BRPF3: variants seen among roughly 807,000 people sequenced by gnomAD.
BRPF3 encodes the protein bromodomain and PHD finger-containing protein 3.
BRPF3 carries 18 observed loss-of-function variants against 102.0 expected under a neutral mutation model. The observed-to-expected ratio is 0.18, with a 90% confidence interval of 0.12 to 0.26. The LOEUF (loss-of-function observed/expected upper bound fraction) is 0.26, where lower values mean the gene tolerates loss of function less well. BRPF3 is among the 10% of genes least tolerant of loss of function. BRPF3 has a pLI of 1.00. For synonymous variants in BRPF3, 570 were observed against 614.2 expected (o/e 0.93, Z 1.06); for missense variants, 1,147 against 1,567.8 (o/e 0.73, Z 4.53).
At chr6:36,223,821 GA>G (rs768391509) in intron 10 of BRPF3, among the ~76,000 whole-genome samples, 6 of 151,928 alleles carry the variant, frequency 3.9e-5, no homozygotes, top group Non-Finnish European at 8.8e-5. Flanking sequence ...ATTTTTCTCA[GA>G]ATAAATTCCC....
chr6:36,229,608 T>C (rs1187343822), intron 12 of BRPF3, among the ~76,000 whole-genome samples: 1 of 152,188 alleles, frequency 6.6e-6, no homozygotes, highest in Non-Finnish European at 1.5e-5. Flanking sequence ...TTCTGGCCAG[T>C]GCAGTGTCCG....
In BRPF3 at chr6:36,212,042, C is replaced by A. The variant is rs570724061; in HGVS notation, c.2482+482C>A. ...GGAAAGACCCTGGGCTTTTGAGCCA[C>A]CTCATGGTTTTTACCCCATCTGGCT... On this transcript the variant is annotated intron_variant, in intron 7 of 12. Transcript: ENST00000357641. 2.6e-3 allele frequency among the ~76,000 whole-genome samples: 391 copies of A among 152,244 alleles called. 9 individuals carry two copies. Among genetic ancestry groups the A allele is most frequent in the Non-Finnish European group, 7.8e-4 (53 of 68,020 alleles).
chr6:36,224,718 G>A (rs1251175266), intron 10 of BRPF3, among the ~76,000 whole-genome samples: 1 of 152,202 alleles, frequency 6.6e-6, no homozygotes, highest in East Asian at 1.9e-4. Context: ...TTCTCCCTAA[G>A]GCCATGAGGA....
In BRPF3 at chr6:36,229,027, T is replaced by C. The variant is rs977770868; in HGVS notation, c.3405T>C (p.Leu1135=). 6.2e-7 allele frequency: 1 copy of C among 1,614,182 alleles called. No individual in the cohort carries two copies. Among genetic ancestry groups the C allele is most frequent in the Non-Finnish European group, 8.5e-7 (1 of 1,180,032 alleles). Residue 1135 remains leucine, a synonymous_variant, in exon 12 of 13, where the codon CTT becomes CTC. Coordinates refer to ENST00000357641, the MANE Select transcript of BRPF3 (RefSeq NM_015695.3). ...KQAEAGEKLF[L]VLFFDNKRTW... is the part of the protein sequence containing the mutation. Reference sequence around the variant, plus strand: ...CAGAGGCTGGAGAGAAGCTCTTCCTTGTCCTCTTCTTTGACAACAAGCGCA... The same window carrying C: ...CAGAGGCTGGAGAGAAGCTCTTCCTCGTCCTCTTCTTTGACAACAAGCGCA...
rs1415344202 is a variant in BRPF3 at position 36,213,895 on chromosome 6, C to T, written c.2498C>T (p.Pro833Leu). The change falls in exon 8 of 13, where the codon CCT (proline) becomes CTT (leucine). Residue 833 changes from proline (P) to leucine (L), a missense_variant. Physicochemically the swap from Pro to Leu is moderately conservative, Grantham distance 98. Transcript: ENST00000357641. Reference protein sequence around the residue: ...DDGDRDDSKLPPPPTLEPTGP... With the variant: ...DDGDRDDSKLLPPPTLEPTGP... ...TTTCTAATAGATGACTCCAAACTGC[C>T]TCCTCCGCCAACCCTGGAGCCCACT... 6.2e-7 allele frequency: 1 copy of T among 1,601,188 alleles called. No individual in the cohort carries two copies. The highest frequency in any genetic ancestry group is 1.1e-5 in the South Asian group (1 of 89,850).
At chr6:36,197,194 G>A (rs1226682440) in intron 1 of BRPF3, 2 of 151,380 alleles carry the variant, frequency 1.3e-5, no homozygotes, top group Non-Finnish European at 2.9e-5. Flanking sequence ...CCGCCATCTT[G>A]TCTCCCCCCC....
At chr6:36,211,747 AG>A (rs1768123692) in intron 7 of BRPF3, among the ~76,000 whole-genome samples, 187 bp downstream of exon 7, 1 of 152,234 alleles carries the variant, frequency 6.6e-6, no homozygotes, top group Non-Finnish European at 1.5e-5. Context: ...AACAATCACT[AG>A]AGACTAAAAT....
Position 36,231,239 on chromosome 6 carries a change from T to A in BRPF3, c.*630T>A, listed in dbSNP as rs1768931597. On this transcript the variant is annotated 3_prime_UTR_variant, in exon 13 of 13. Transcript: ENST00000357641. ...ATGTCTCATTCCCCTTGAGGCCAGC[T>A]GCTATGCCAGGTGGTGTCTCTGCCA... The A allele has an allele frequency of 6.5e-6, 1 of 152,792 alleles. No homozygotes were observed. The highest frequency in any genetic ancestry group is 1.5e-5 in the Non-Finnish European group (1 of 68,184). The allele number at this position is 152,792 out of a possible 1,614,324, so 9.5% of individuals were successfully genotyped here.
chr6:36,201,731 C>T lies in BRPF3; in HGVS notation c.1409C>T (p.Thr470Ile), dbSNP rs1303979346. Residue 470 changes from threonine (T) to isoleucine (I), a missense_variant, in exon 2 of 13, where the codon ACT (threonine) becomes ATT (isoleucine). Coordinates refer to ENST00000357641, the MANE Select transcript of BRPF3 (RefSeq NM_015695.3). This position sits in a 1 kb window ranked among gnomAD's most constrained non-coding sequence, Gnocchi z 5.1. ...GAAGCAGGCCAAGACACACCCTCCACTCTCCCCATGCTTGCTGTCCCACAG... is the reference window on the plus strand; with the variant it reads ...GAAGCAGGCCAAGACACACCCTCCATTCTCCCCATGCTTGCTGTCCCACAG... ...PEEAGQDTPS[T>I]LPMLAVPQIP... 3.7e-6 allele frequency: 6 copies of T among 1,612,434 alleles called. No homozygotes were observed. In the Admixed American group the frequency reaches 8.4e-5, roughly 22 times the overall value.
chr6:36,215,223 TCTC>T (rs1226319538), intron 8 of BRPF3, among the ~76,000 whole-genome samples: 1 of 152,106 alleles, frequency 6.6e-6, no homozygotes, highest in East Asian at 1.9e-4. Flanking sequence ...TTCAAGCAAT[TCTC>T]CTGCCTCAGC....
intron 9 of BRPF3, 82 bp from the exon 10 acceptor site, chr6:36,222,086 G>C (rs1325732069): frequency 1.2e-5 from 17 of 1,362,272 alleles, no homozygotes; most frequent in Non-Finnish European, 1.6e-5. Flanking sequence ...TCCTGTCAGA[G>C]AGGGGAGAGG....
In BRPF3 at chr6:36,214,201, A is replaced by G. The variant is rs1462595152; in HGVS notation, c.2804A>G (p.Lys935Arg). The G allele has an allele frequency of 3.1e-6, 5 of 1,614,206 alleles. No homozygotes were observed. Among genetic ancestry groups the G allele is most frequent in the Non-Finnish European group, 4.2e-6 (5 of 1,180,006 alleles). Residue 935 changes from lysine (K) to arginine (R), a missense_variant, in exon 8 of 13, where the codon AAG (lysine) becomes AGG (arginine). Coordinates refer to ENST00000357641, the MANE Select transcript of BRPF3 (RefSeq NM_015695.3). ...ACATCAGTCCTCTTCAAGAAGGCCA[A>G]GAATGGGGTTAAGCTACAGAGAAGC... The part of the protein sequence containing the change: ...RRTSVLFKKA[K>R]NGVKLQRSPD...
At chr6:36,223,228 G>A (rs1768612983) in intron 10 of BRPF3, among the ~76,000 whole-genome samples, 1 of 152,130 alleles carries the variant, frequency 6.6e-6, no homozygotes, top group Non-Finnish European at 1.5e-5. Context: ...CTCTTCCTTC[G>A]TTCCTTTACC....
chr6:36,220,585 T>C (rs899668199), intron 9 of BRPF3, among the ~76,000 whole-genome samples: 4 of 152,228 alleles, frequency 2.6e-5, no homozygotes, highest in African/African-American at 9.6e-5. Context: ...TGAACTTTGA[T>C]TTGTTTTTCT....
At chr6:36,229,208 A>T in intron 12 of BRPF3, 152 bp downstream of exon 12, 1 of 980,652 alleles carries the variant, frequency 1.0e-6, no homozygotes, top group Admixed American at 2.6e-5. Context: ...GCATGTTAAT[A>T]GTAACTGAGG....
At chr6:36,212,294 G>T (rs919347352) in intron 7 of BRPF3, among the ~76,000 whole-genome samples, 2 of 152,138 alleles carry the variant, frequency 1.3e-5, no homozygotes, top group African/African-American at 4.8e-5. Flanking sequence ...CTTCGGATCC[G>T]AGCCTATAGC....
chr6:36,229,341 T>G (rs1030657462), intron 12 of BRPF3, among the ~76,000 whole-genome samples: 41 of 152,230 alleles, frequency 2.7e-4, no homozygotes, highest in Admixed American at 1.8e-3. Context: ...TACAGCCCAC[T>G]TGCTGCCTCA....
intron 7 of BRPF3, among the ~76,000 whole-genome samples, chr6:36,212,780 C>A (rs1429083122): frequency 2.0e-5 from 3 of 151,380 alleles, no homozygotes; most frequent in Admixed American, 1.3e-4. Context: ...GGTGAAACCC[C>A]GTCTCTACTA....
chr6:36,214,348 G>A lies in BRPF3; in HGVS notation c.2951G>A (p.Ser984Asn), dbSNP rs774977517. Residue 984 changes from serine to asparagine, a missense_variant, in exon 8 of 13, where the codon AGC becomes AAC. Ser to Asn is a conservative substitution (Grantham distance 46, BLOSUM62 1). Transcript: ENST00000357641. ...CCAAGGAGCAGGAGCTGTAGTGAGA[G>A]CGAAGGGGAGAGGTCCCCCCAGCAG... ...KRPRSRSCSE[S>N]EGERSPQQEE... 13 of 1,606,836 alleles carry A rather than the reference G, an allele frequency of 8.1e-6. No homozygotes were observed. Among genetic ancestry groups the A allele is most frequent in the African/African-American group, 1.3e-5 (1 of 74,890 alleles).
Sources: gnomAD v4.1 joint callset for allele counts (sites outside exome capture counted in the v4.1 genomes callset) on GRCh38, gnomAD v4.1.1 for gene constraint, Gnocchi (gnomAD v3.1) non-coding constraint, MANE v1.5 for transcripts, NCBI Gene and HGNC (gene_info 2026-07-23, HGNC 2026-07-21) for gene names.